MAMLD1: variants seen among roughly 807,000 people sequenced by gnomAD.
MAMLD1 encodes the protein mastermind like domain containing 1, also known as mastermind-like domain-containing protein 1.
Under a neutral mutation model 45.0 loss-of-function variants are expected in MAMLD1, and 14 were observed. That is an observed-to-expected ratio of 0.31 (90% CI 0.21 to 0.49). The LOEUF (loss-of-function observed/expected upper bound fraction) is 0.49, where lower values mean the gene tolerates loss of function less well. Ranked by LOEUF, MAMLD1 falls within the 20% of genes least tolerant of loss-of-function variation. The probability of loss-of-function intolerance (pLI) is 0.99; values close to 1 mark genes in which losing one functional copy is unlikely to be tolerated. For missense variants in MAMLD1, 543 were observed against 603.6 expected, an observed-to-expected ratio of 0.90 and a Z score of 1.05; for synonymous variants, 254 against 247.8, an observed-to-expected ratio of 1.02 and a Z score of -0.24.
upstream of MAMLD1, chrX:150,362,974 G>A (rs782358032): frequency 8.8e-6 from 1 of 113,190 alleles, no homozygotes; most frequent in East Asian, 2.8e-4. Context: ...CTGCAACAGC[G>A]AAGCCAGCCT....
Position 150,473,719 on chromosome X carries a change from T to G in MAMLD1, c.1957T>G (p.Ser653Ala). The G allele has an allele frequency of 8.3e-7, 1 of 1,208,611 alleles. No homozygotes were observed. The change falls in exon 5 of 8, where the codon TCG becomes GCG. Residue 653 changes from serine (S) to alanine (A), a missense_variant. Transcript: ENST00000370401. ...HLFAWTSAAS[S>A]VKPQHQHGNS... ...GTTTGCATGGACTTCTGCAGCTAGCTCGGTGAAGCCCCAGCATCAACACGG... is the reference window on the plus strand; with the variant it reads ...GTTTGCATGGACTTCTGCAGCTAGCGCGGTGAAGCCCCAGCATCAACACGG...
At chrX:150,509,937 T>C (rs782604137) in intron 6 of MAMLD1, 25 bp from the exon 7 acceptor site, 1 of 1,089,086 alleles carries the variant, frequency 9.2e-7, no homozygotes, top group Non-Finnish European at 1.3e-6. Context: ...TGTAATCTAA[T>C]TTGTCTTTTT....
chrX:150,403,529 T>C (rs1009154535), intron 1 of MAMLD1, among the ~76,000 whole-genome samples: 1 of 111,616 alleles, frequency 9.0e-6, no homozygotes, highest in Non-Finnish European at 1.9e-5. Context: ...TTTATGGAAA[T>C]TGAAGGTCAA....
intron 1 of MAMLD1, among the ~76,000 whole-genome samples, chrX:150,383,105 C>T (rs1557401893): frequency 5.8e-5 from 2 of 34,731 alleles, no homozygotes; most frequent in South Asian, 6.6e-4. Context: ...GGGGTTTCAC[C>T]GTGTTAGCCA....
intron 5 of MAMLD1, among the ~76,000 whole-genome samples, chrX:150,482,020 G>GAAAGAA (rs1569564975): frequency 1.9e-5 from 2 of 107,415 alleles, no homozygotes; most frequent in African/African-American, 3.5e-5. Flanking sequence ...AAGAAAGAAA[G>GAAAGAA]AAAGAAAGAA....
chrX:150,469,249 G>A (rs1277213103), intron 3 of MAMLD1, among the ~76,000 whole-genome samples: 2 of 112,188 alleles, frequency 1.8e-5, no homozygotes, highest in Non-Finnish European at 3.8e-5. Context: ...TGTGTCTGTA[G>A]ACAGGAAAGA....
chrX:150,403,952 G>GAAAGAAAGAAAGAAAGAAAGAAAGAA (rs2033905936), intron 1 of MAMLD1, among the ~76,000 whole-genome samples: 227 of 72,117 alleles, frequency 3.1e-3, no homozygotes, highest in Non-Finnish European at 4.7e-3. Context: ...AAGAAAGAAA[G>GAAAGAAAGAAAGAAAGAAAGAAAGAA]AAAGAAAGAA....
chrX:150,510,689 G>A (rs1287752413), intron 7 of MAMLD1, among the ~76,000 whole-genome samples: 3 of 112,562 alleles, frequency 2.7e-5, no homozygotes, highest in African/African-American at 9.7e-5. Context: ...CAACCCTTAC[G>A]CACCAGTGGG....
Position 150,431,173 on chromosome X carries a change from G to A in MAMLD1, c.-63-14281G>A, listed in dbSNP as rs1214553234. On this transcript the variant is annotated intron_variant, in intron 1 of 7. Coordinates refer to ENST00000370401, the MANE Select transcript of MAMLD1 (RefSeq NM_005491.5). ...TGTACATGTTTTCCTTGATTTACAC[G>A]TAAGTGTTTTTTGAGCAATAGTATA... Among the ~76,000 whole-genome samples, 6 of 111,503 alleles carry A rather than the reference G, an allele frequency of 5.4e-5. No individual in the cohort carries two copies. In the East Asian group the frequency reaches 1.4e-3, roughly 26 times the overall value.
chrX:150,369,944 G>A (rs974128096), intron 1 of MAMLD1, among the ~76,000 whole-genome samples: 1 of 108,934 alleles, frequency 9.2e-6, no homozygotes, highest in African/African-American at 3.4e-5. Context: ...TTTTAAAGGG[G>A]CAGGGGTGAA....
At chrX:150,455,956 A>G (rs910789014) in intron 2 of MAMLD1, among the ~76,000 whole-genome samples, 1 of 110,631 alleles carries the variant, frequency 9.0e-6, no homozygotes, top group Non-Finnish European at 1.9e-5. Context: ...AGAAACTACA[A>G]TAGGAGATTT....
chrX:150,368,021 C>T (rs1377808997), intron 1 of MAMLD1, among the ~76,000 whole-genome samples: 105 of 110,812 alleles, frequency 9.5e-4, no homozygotes, highest in African/African-American at 3.1e-3. Context: ...AATAAACATA[C>T]GTGTGCATGT....
chrX:150,363,832 G>T (rs1219388359), intron 1 of MAMLD1, among the ~76,000 whole-genome samples: 1 of 112,621 alleles, frequency 8.9e-6, no homozygotes, highest in African/African-American at 3.2e-5. Context: ...AGGAAAGGTA[G>T]AAGGGCGCAA....
intron 2 of MAMLD1, among the ~76,000 whole-genome samples, chrX:150,453,537 A>G (rs782640566): frequency 8.9e-6 from 1 of 111,896 alleles, no homozygotes; most frequent in South Asian, 3.8e-4. Context: ...CCTTCTCAAA[A>G]GTTCTTGCCC....
intron 1 of MAMLD1, among the ~76,000 whole-genome samples, chrX:150,369,880 A>G (rs782440292): frequency 9.3e-6 from 1 of 107,825 alleles, no homozygotes; most frequent in Non-Finnish European, 1.9e-5. Context: ...AACTTTGGGG[A>G]TACAGCAGCC....
Position 150,470,131 on chromosome X carries a change from T to C in MAMLD1, c.558T>C (p.Ile186=). The C allele has an allele frequency of 8.3e-7, 1 of 1,211,141 alleles. No homozygotes were observed. The highest frequency in any genetic ancestry group is 3.0e-5 in the East Asian group (1 of 33,786). Residue 186 remains isoleucine (I), a synonymous_variant, in exon 4 of 8, where the codon ATT becomes ATC. Transcript: ENST00000370401. ...LQELLEELTK[I]QDPSPNELDL... is the part of the protein sequence containing the mutation. ...AGCTGCTAGAGGAGCTCACCAAAAT[T>C]CAAGACCCTTCTCCAAATGAGCTAG...
chrX:150,422,258 G>C (rs1557403587), intron 1 of MAMLD1, among the ~76,000 whole-genome samples: 1 of 112,372 alleles, frequency 8.9e-6, no homozygotes, highest in East Asian at 2.8e-4. Flanking sequence ...ATTACATAGA[G>C]CGTCTGTCTT....
At chrX:150,457,613 G>A (rs782388536) in intron 2 of MAMLD1, among the ~76,000 whole-genome samples, 2 of 112,384 alleles carry the variant, frequency 1.8e-5, no homozygotes, top group African/African-American at 6.5e-5. Context: ...AGTGTGGCAC[G>A]TCCACACAAT....
intron 2 of MAMLD1, among the ~76,000 whole-genome samples, chrX:150,454,245 C>T (rs1279510411): frequency 2.7e-5 from 3 of 112,152 alleles, no homozygotes; most frequent in Admixed American, 1.9e-4. Context: ...CAAGTCAAGC[C>T]CTTAGAGTTT....
Sources: gnomAD v4.1 joint callset for allele counts (sites outside exome capture counted in the v4.1 genomes callset) on GRCh38, gnomAD v4.1.1 for gene constraint, MANE v1.5 for transcripts, NCBI Gene and HGNC (gene_info 2026-07-23, HGNC 2026-07-21) for gene names.